PDE7B: variants seen among roughly 807,000 people sequenced by gnomAD.
The protein encoded by PDE7B is 3',5'-cyclic-AMP phosphodiesterase 7B.
In PDE7B, 29 loss-of-function variants were observed where a neutral mutation model predicts 56.2. That is an observed-to-expected ratio of 0.52 (90% CI 0.38 to 0.70). PDE7B has a LOEUF of 0.70. PDE7B is among the 30% of genes least tolerant of loss of function. PDE7B has a pLI of 0.00. For synonymous variants in PDE7B, 197 were observed against 196.9 expected (o/e 1.00, Z 0.00); for missense variants, 490 against 565.0 (o/e 0.87, Z 1.35).
At chr6:136,159,843 G>GA (rs1383954298) in intron 8 of PDE7B, among the ~76,000 whole-genome samples, 2 of 152,018 alleles carry the variant, frequency 1.3e-5, no homozygotes, top group South Asian at 2.1e-4. Context: ...ACAAATAGAG[G>GA]AAAAAAACAG....
At chr6:135,947,573 G>A in intron 2 of PDE7B, 49 bp downstream of exon 2, 2 of 1,360,106 alleles carry the variant, frequency 1.5e-6, no homozygotes, top group Non-Finnish European at 1.1e-6. Context: ...GATGTCATGT[G>A]GAGTTATCAT....
intron 3 of PDE7B, among the ~76,000 whole-genome samples, chr6:136,146,219 C>T (rs748124687): frequency 3.9e-5 from 6 of 152,118 alleles, no homozygotes; most frequent in African/African-American, 1.4e-4. Flanking sequence ...ACATATGAGC[C>T]GTACATTTCC....
At chr6:135,853,004 T>C (rs1774965534) in intron 1 of PDE7B, among the ~76,000 whole-genome samples, 1 of 152,218 alleles carries the variant, frequency 6.6e-6, no homozygotes, top group Non-Finnish European at 1.5e-5. Flanking sequence ...TTATTATGTC[T>C]TAAGGAGGAT....
chr6:136,023,920 C>G (rs1428291985), intron 2 of PDE7B, among the ~76,000 whole-genome samples: 1 of 152,092 alleles, frequency 6.6e-6, no homozygotes, highest in East Asian at 1.9e-4. Flanking sequence ...AGGTAAGGAG[C>G]TTCCCAGAGA....
intron 8 of PDE7B, chr6:136,156,190 T>TGG (rs1778601740): frequency 3.0e-6 from 1 of 335,172 alleles, no homozygotes; most frequent in Non-Finnish European, 5.8e-6. Flanking sequence ...TGTGTGTGTG[T>TGG]GTGTGTGTGT....
chr6:135,970,613 G>C (rs1775078156), intron 2 of PDE7B, among the ~76,000 whole-genome samples: 1 of 152,168 alleles, frequency 6.6e-6, no homozygotes, highest in Non-Finnish European at 1.5e-5. Context: ...ATTGTGAAGA[G>C]CCAGTTCCTA....
chr6:135,934,450 A>G (rs1028861654), intron 1 of PDE7B, among the ~76,000 whole-genome samples: 5 of 151,768 alleles, frequency 3.3e-5, no homozygotes, highest in Non-Finnish European at 7.4e-5. Context: ...ATTCGGGCCC[A>G]GTGCAGTGGC....
intron 2 of PDE7B, among the ~76,000 whole-genome samples, chr6:135,956,942 G>GGA (rs1459858595): frequency 6.6e-6 from 1 of 152,124 alleles, no homozygotes; most frequent in Admixed American, 6.6e-5. Flanking sequence ...GGCTGGTGGA[G>GGA]GATATGACAG....
rs6931460 is a variant in PDE7B at position 136,192,403 on chromosome 6, T to G, written c.*563T>G. On this transcript the variant is annotated 3_prime_UTR_variant, in exon 13 of 13. Coordinates refer to ENST00000308191, the MANE Select transcript of PDE7B (RefSeq NM_018945.4). ...TGCACTAGACAATGGATCTGCAACT[T>G]TGGACTAAGGTCATTCAATGTACCC... 6.6e-6 allele frequency: 1 copy of G among 152,278 alleles called. No homozygotes were observed. Among genetic ancestry groups the G allele is most frequent in the South Asian group, 2.1e-4 (1 of 4,826 alleles). 9.4% of individuals were successfully genotyped at this position (152,278 alleles called of 1,614,324 possible).
chr6:136,026,427 T>G (rs1056947736), intron 2 of PDE7B, among the ~76,000 whole-genome samples: 10 of 152,180 alleles, frequency 6.6e-5, no homozygotes, highest in African/African-American at 2.4e-4. Flanking sequence ...TTGAGAAATA[T>G]GAGATGTAAT....
rs188159159 is a variant in PDE7B, at chr6:136,177,405, G to A, written c.804-1592G>A. Among the ~76,000 whole-genome samples the A allele has an allele frequency of 3.3e-3, 502 of 152,150 alleles. 2 individuals carry two copies. The highest frequency in any genetic ancestry group is 4.7e-3 in the Non-Finnish European group (320 of 68,018). On this transcript the variant is annotated intron_variant, in intron 9 of 12. Transcript: ENST00000308191. ...ACCACAGACACAATATTTGCAACAC[G>A]TAGCTGACAAAGGACCAGTATTTAA...
intron 2 of PDE7B, among the ~76,000 whole-genome samples, chr6:136,103,627 C>T (rs569571462): frequency 2.0e-5 from 3 of 152,174 alleles, no homozygotes; most frequent in African/African-American, 7.2e-5. Context: ...TCTTTCCCAC[C>T]ATATTTGGGC....
At chr6:136,091,729 T>C (rs1562490766) in intron 2 of PDE7B, among the ~76,000 whole-genome samples, 1 of 152,240 alleles carries the variant, frequency 6.6e-6, no homozygotes, top group African/African-American at 2.4e-5. Flanking sequence ...GTGCTGTGAA[T>C]GAATCTCCAG....
intron 1 of PDE7B, among the ~76,000 whole-genome samples, chr6:135,925,889 G>A (rs1424537019): frequency 6.6e-6 from 1 of 152,002 alleles, no homozygotes; most frequent in East Asian, 1.9e-4. Flanking sequence ...GTTCGTTTGT[G>A]TGTTGAAAAT....
chr6:136,182,317 G>A (rs1480330424), intron 11 of PDE7B, among the ~76,000 whole-genome samples: 2 of 152,144 alleles, frequency 1.3e-5, no homozygotes, highest in Non-Finnish European at 2.9e-5. Context: ...CTTGAATTGA[G>A]TAAAAGTGGT....
chr6:135,974,757 A>C lies in PDE7B; in HGVS notation c.82+27233A>C, dbSNP rs192840851. Among the ~76,000 whole-genome samples, 43 of 152,346 alleles carry C rather than the reference A, an allele frequency of 2.8e-4. 1 individual carries two copies. Among genetic ancestry groups the C allele is most frequent in the Non-Finnish European group, 4.4e-5 (3 of 68,022 alleles). On this transcript the variant is annotated intron_variant, in intron 2 of 12. Coordinates refer to ENST00000308191, the MANE Select transcript of PDE7B (RefSeq NM_018945.4). ...ATATTATAGCTATCTTTACAGCTAC[A>C]CAATCATCATGATCTTGCAAATCTG...
chr6:136,125,537 C>T (rs192755507), intron 3 of PDE7B, among the ~76,000 whole-genome samples: 28 of 151,600 alleles, frequency 1.8e-4, no homozygotes, highest in African/African-American at 6.5e-4. Context: ...CCAGTGCACT[C>T]CAACCTGGAG....
chr6:135,855,322 C>G lies in PDE7B; in HGVS notation c.21+3303C>G, dbSNP rs1239371784. Among the ~76,000 whole-genome samples, 3 of 152,058 alleles carry G rather than the reference C, an allele frequency of 2.0e-5. No individual in the cohort carries two copies. The East Asian group carries it at 5.8e-4, about 29-fold the overall frequency. Reference sequence around the variant, plus strand: ...CTGTGCCTGTGAATAAGCAATGATTCCCACATTAGGAAACGTATTCTGGTT... The same window carrying G: ...CTGTGCCTGTGAATAAGCAATGATTGCCACATTAGGAAACGTATTCTGGTT... On this transcript the variant is annotated intron_variant, in intron 1 of 12. Transcript: ENST00000308191.
At chr6:136,057,011 T>C (rs1300277502) in intron 2 of PDE7B, among the ~76,000 whole-genome samples, 1 of 152,198 alleles carries the variant, frequency 6.6e-6, no homozygotes, top group Non-Finnish European at 1.5e-5. Context: ...GCCCTGTATC[T>C]TTACTAAAGT....
Sources: allele counts gnomAD v4.1 joint callset (sites outside exome capture counted in the v4.1 genomes callset), GRCh38; gene constraint gnomAD v4.1.1; transcripts MANE v1.5; gene names NCBI Gene and HGNC (gene_info 2026-07-23, HGNC 2026-07-21).